The following SMURF1 variants were observed in gnomAD, a reference collection of about 807,000 sequenced individuals.
SMURF1 encodes the protein E3 ubiquitin-protein ligase SMURF1.
SMURF1 carries 44 observed loss-of-function variants against 98.0 expected under a neutral mutation model. The observed-to-expected ratio is 0.45, with a 90% CI of 0.35 to 0.58. SMURF1 has a LOEUF of 0.58. Among genes scored for constraint, SMURF1 ranks in the 20% least tolerant of loss-of-function variants. The pLI is 0.00. For missense variants in SMURF1, 687 were observed against 938.4 expected, an observed-to-expected ratio of 0.73 and a Z score of 3.50; for synonymous variants, 396 against 374.9, an observed-to-expected ratio of 1.06 and a Z score of -0.65.
chr7:99,140,280 CCT>C lies in SMURF1; in HGVS notation c.55+3444_55+3445del, dbSNP rs1491224628. 3.5e-3 allele frequency among the ~76,000 whole-genome samples: 389 copies of C among 110,862 alleles called. 1 individual carries two copies. Among genetic ancestry groups the C allele is most frequent in the African/African-American group, 0.012 (373 of 32,126 alleles). 72.7% of individuals were successfully genotyped at this position (110,862 alleles called of 152,430 possible). A position where few individuals can be genotyped will look rare whatever the true frequency, so the allele number is the denominator to read the frequency against. On this transcript the variant is annotated intron_variant, in intron 1 of 17. Transcript: ENST00000361368. ...GTTCTAAATGTAGTATCTTCAGTAT[CCT>C]TTTTTTTTTTTTTTTTTTTTTTGAG...
intron 1 of SMURF1, among the ~76,000 whole-genome samples, chr7:99,124,466 G>C (rs1797704366): frequency 6.6e-6 from 1 of 152,212 alleles, no homozygotes; most frequent in African/African-American, 2.4e-5. Context: ...TGGGCATGAA[G>C]GCTGCACAGC....
chr7:99,063,881 A>T (rs1796126651), intron 1 of SMURF1, among the ~76,000 whole-genome samples: 1 of 151,954 alleles, frequency 6.6e-6, no homozygotes, highest in African/African-American at 2.4e-5. Flanking sequence ...GGATCAAGCA[A>T]TCCTCTTGCC....
At position 99,038,625 on chromosome 7, in the gene SMURF1, A is replaced by G. The variant is rs925730457; in HGVS notation, c.1551-100T>C. The G allele has an allele frequency of 4.2e-6, 6 of 1,426,540 alleles. No individual in the cohort carries two copies. In the African/African-American group the frequency reaches 8.5e-5, roughly 20 times the overall value. 88.4% of individuals were successfully genotyped at this position (1,426,540 alleles called of 1,614,324 possible). ...TTACGACTGCCAAACCCGGGGCTGCAAGACAGGACAGCCTCGGGCAGACAC... is the reference window on the plus strand; with the variant it reads ...TTACGACTGCCAAACCCGGGGCTGCGAGACAGGACAGCCTCGGGCAGACAC... On this transcript the variant is annotated intron_variant, in intron 13 of 17. Transcript: ENST00000361368.
intron 5 of SMURF1, among the ~76,000 whole-genome samples, chr7:99,056,434 A>G (rs1044456311): frequency 5.9e-5 from 9 of 152,168 alleles, no homozygotes; most frequent in Non-Finnish European, 1.2e-4. Context: ...TAACATTAGC[A>G]CACTTTAATT....
chr7:99,091,916 T>A (rs1371950113), intron 1 of SMURF1, among the ~76,000 whole-genome samples: 1 of 152,166 alleles, frequency 6.6e-6, no homozygotes, highest in East Asian at 1.9e-4. Context: ...AAGCCAGACA[T>A]AATCTTTATT....
intron 1 of SMURF1, among the ~76,000 whole-genome samples, chr7:99,063,030 C>T (rs1275535710): frequency 1.3e-5 from 2 of 151,428 alleles, no homozygotes; most frequent in Admixed American, 6.6e-5. Flanking sequence ...GTCTTTTGTA[C>T]TGCTTCACAA....
Position 99,126,580 on chromosome 7 carries a change from A to T in SMURF1, c.55+17146T>A, listed in dbSNP as rs565017672. Among the ~76,000 whole-genome samples, 3 of 152,276 alleles carry T rather than the reference A, an allele frequency of 2.0e-5. No homozygotes were observed. In the South Asian group the frequency reaches 6.2e-4, roughly 32 times the overall value. On this transcript the variant is annotated intron_variant, in intron 1 of 17. Coordinates refer to ENST00000361368, the MANE Select transcript of SMURF1 (RefSeq NM_181349.3). Reference sequence around the variant, plus strand: ...TGAGGCAGGAGAATTGCTTGAACCCAGGAGATGGAGGTTGCAGTGAGCTGA... The same window carrying T: ...TGAGGCAGGAGAATTGCTTGAACCCTGGAGATGGAGGTTGCAGTGAGCTGA...
At chr7:99,035,915 C>T (rs771699929) in intron 15 of SMURF1, 199 bp from the exon 16 acceptor site, 34 of 602,126 alleles carry the variant, frequency 5.6e-5, no homozygotes, top group Non-Finnish European at 7.3e-5. Context: ...CTCCTCCAAA[C>T]GGGTCTCCAA....
intron 1 of SMURF1, among the ~76,000 whole-genome samples, chr7:99,099,737 G>A (rs1401972943): frequency 6.6e-6 from 1 of 152,174 alleles, no homozygotes; most frequent in Non-Finnish European, 1.5e-5. Flanking sequence ...CCAAGAGGGT[G>A]GGTTGTTCAG....
chr7:99,074,891 T>C (rs899728613), intron 1 of SMURF1, among the ~76,000 whole-genome samples: 1 of 152,142 alleles, frequency 6.6e-6, no homozygotes, highest in Admixed American at 6.5e-5. Flanking sequence ...AACTTTTAAA[T>C]AGACACCTTA....
chr7:99,143,659 C>T, intron 1 of SMURF1, 67 bp downstream of exon 1: 2 of 1,410,896 alleles, frequency 1.4e-6, no homozygotes, highest in South Asian at 1.3e-5. Flanking sequence ...TCCAAGGGCG[C>T]CCTGCGGGGA....
At chr7:99,036,997 C>T in intron 15 of SMURF1, 70 bp downstream of exon 15, 1 of 1,608,496 alleles carries the variant, frequency 6.2e-7, no homozygotes, top group Non-Finnish European at 8.5e-7. Flanking sequence ...CCCCCTGCAG[C>T]AAGGATTTAA....
At position 99,076,744 on chromosome 7, in the gene SMURF1, ATGC is replaced by A. The variant is rs1186752880; in HGVS notation, c.56-14910_56-14908del. Reference sequence around the variant, plus strand: ...AACAAATGTACTGCAGTCATGTTAGATGCTGTTAATTGGGGAATCTGGACGTGT... The same window carrying A: ...AACAAATGTACTGCAGTCATGTTAGATGTTAATTGGGGAATCTGGACGTGT... On this transcript the variant is annotated intron_variant, in intron 1 of 17. Coordinates refer to ENST00000361368, the MANE Select transcript of SMURF1 (RefSeq NM_181349.3). Among the ~76,000 whole-genome samples, 8 of 152,202 alleles carry A rather than the reference ATGC, an allele frequency of 5.3e-5. No individual in the cohort carries two copies. In the East Asian group the frequency reaches 5.8e-4, roughly 11 times the overall value.
At chr7:99,067,064 C>A (rs1243773398) in intron 1 of SMURF1, among the ~76,000 whole-genome samples, 1 of 149,032 alleles carries the variant, frequency 6.7e-6, no homozygotes, top group Non-Finnish European at 1.5e-5. Flanking sequence ...GGCATGATCT[C>A]GGCTCACTGC....
intron 7 of SMURF1, 151 bp downstream of exon 7, chr7:99,052,054 G>C (rs1795765946): frequency 9.4e-7 from 1 of 1,060,208 alleles, no homozygotes; most frequent in Admixed American, 2.7e-5. Flanking sequence ...AGGATCGCTT[G>C]AGCTAGGGAG....
Position 99,040,567 on chromosome 7 carries a change from C to T in SMURF1, c.1372-11G>A. 1.4e-6 allele frequency: 2 copies of T among 1,414,194 alleles called. No homozygotes were observed. The highest frequency in any genetic ancestry group is 9.3e-7 in the Non-Finnish European group (1 of 1,076,976). The allele number at this position is 1,414,194 out of a possible 1,614,324, so 87.6% of individuals were successfully genotyped here. A position where few individuals can be genotyped will look rare whatever the true frequency, so the allele number is the denominator to read the frequency against. On this transcript the variant is annotated splice_polypyrimidine_tract_variant and intron_variant, in intron 12 of 17. Coordinates refer to ENST00000361368, the MANE Select transcript of SMURF1 (RefSeq NM_181349.3). ...ATAAGACAAGTGGTCCTGTAGGGGG[C>T]ACCAGAGAACACGAATTTGTCAGCA...
At chr7:99,084,344 G>A (rs909433813) in intron 1 of SMURF1, among the ~76,000 whole-genome samples, 1 of 152,090 alleles carries the variant, frequency 6.6e-6, no homozygotes, top group South Asian at 2.1e-4. Context: ...GCAGTGGCGC[G>A]ATCTCAGCTC....
chr7:99,033,167 T>C lies in SMURF1; in HGVS notation c.2012-46A>G, dbSNP rs1379796665. On this transcript the variant is annotated intron_variant, in intron 16 of 17. Coordinates refer to ENST00000361368, the MANE Select transcript of SMURF1 (RefSeq NM_181349.3). ...TTAATGTACTTCAGAGTTACAGCCG[T>C]GGCGCTTCCCGGCCACACAGCCCCC... The C allele has an allele frequency of 2.6e-6, 4 of 1,540,194 alleles. No homozygotes were observed. The African/African-American group carries it at 5.5e-5, about 21-fold the overall frequency.
intron 1 of SMURF1, among the ~76,000 whole-genome samples, chr7:99,072,017 T>G (rs1257993585): frequency 6.6e-6 from 1 of 151,998 alleles, no homozygotes; most frequent in Non-Finnish European, 1.5e-5. Context: ...AGTTCAAGGC[T>G]GCGGTAAGCT....
Sources: gnomAD v4.1 joint callset for allele counts (sites outside exome capture counted in the v4.1 genomes callset) on GRCh38, gnomAD v4.1.1 for gene constraint, MANE v1.5 for transcripts, NCBI Gene and HGNC (gene_info 2026-07-23, HGNC 2026-07-21) for gene names.